ZNF385B: variants seen among roughly 807,000 people sequenced by gnomAD.
ZNF385B encodes the protein zinc finger protein 533.
ZNF385B carries 23 observed loss-of-function variants against 39.2 expected under a neutral mutation model. That is an observed-to-expected ratio of 0.59 (90% confidence interval 0.42 to 0.83). The LOEUF is 0.83. Among genes scored for constraint, ZNF385B ranks in the 40% least tolerant of loss-of-function variants. The pLI, the probability that ZNF385B is intolerant of heterozygous loss-of-function variation, is 0.00. For synonymous variants in ZNF385B, 205 were observed against 222.6 expected (o/e 0.92, Z 0.70); for missense variants, 552 against 598.9 (o/e 0.92, Z 0.82).
At chr2:179,474,892 C>T (rs1161302755) in intron 6 of ZNF385B, among the ~76,000 whole-genome samples, 1 of 152,188 alleles carries the variant, frequency 6.6e-6, no homozygotes, top group African/African-American at 2.4e-5. Context: ...ACCTCTTTTA[C>T]AATCATTTCA....
intron 3 of ZNF385B, among the ~76,000 whole-genome samples, chr2:179,737,063 C>G (rs1032741401): frequency 3.3e-5 from 5 of 152,180 alleles, no homozygotes; most frequent in Admixed American, 2.0e-4. Context: ...AACCTCATCA[C>G]ATTGTTTATT....
chr2:179,632,479 A>T (rs919418842), intron 3 of ZNF385B, among the ~76,000 whole-genome samples: 7 of 152,226 alleles, frequency 4.6e-5, no homozygotes, highest in Admixed American at 2.6e-4. Flanking sequence ...TGAAGGCAGA[A>T]ATAAAGATGT....
chr2:179,467,970 C>T (rs1015991554), intron 6 of ZNF385B, among the ~76,000 whole-genome samples: 1 of 152,208 alleles, frequency 6.6e-6, no homozygotes, highest in Non-Finnish European at 1.5e-5. Flanking sequence ...TGTCACTGCT[C>T]TTTCCATTTG....
chr2:179,718,829 TAA>T (rs57140629), intron 3 of ZNF385B, among the ~76,000 whole-genome samples: 17 of 144,820 alleles, frequency 1.2e-4, no homozygotes, highest in African/African-American at 3.0e-4. Context: ...CTGTATCTAT[TAA>T]AAAAAAAAAA....
chr2:179,758,573 C>G (rs1408279938), intron 3 of ZNF385B, among the ~76,000 whole-genome samples: 2 of 152,210 alleles, frequency 1.3e-5, no homozygotes, highest in South Asian at 4.1e-4. Context: ...TAGAGAGACA[C>G]AAACATTCAA....
chr2:179,615,809 A>G (rs994559890), intron 3 of ZNF385B, among the ~76,000 whole-genome samples: 3 of 152,202 alleles, frequency 2.0e-5, no homozygotes, highest in Non-Finnish European at 2.9e-5. Context: ...GGCACCTTAG[A>G]TGGTTCTGAG....
intron 3 of ZNF385B, among the ~76,000 whole-genome samples, chr2:179,571,216 A>G (rs943964373): frequency 6.6e-6 from 1 of 152,188 alleles, no homozygotes; most frequent in African/African-American, 2.4e-5. Context: ...CTCTGCTCCA[A>G]ACATCTTTTT....
intron 1 of ZNF385B, among the ~76,000 whole-genome samples, chr2:179,816,414 T>A (rs1003110385): frequency 1.3e-5 from 2 of 152,206 alleles, no homozygotes; most frequent in East Asian, 3.8e-4. Context: ...CCCATTGTAA[T>A]GGGAGTGATT....
At chr2:179,711,238 C>T (rs747242051) in intron 3 of ZNF385B, among the ~76,000 whole-genome samples, 1 of 152,216 alleles carries the variant, frequency 6.6e-6, no homozygotes, top group Non-Finnish European at 1.5e-5. Flanking sequence ...TATACATATT[C>T]CTGCTATAGA....
At position 179,511,128 on chromosome 2, in the gene ZNF385B, T is replaced by C. The variant is rs183251694; in HGVS notation, c.552+7400A>G. Among the ~76,000 whole-genome samples, 695 of 152,280 alleles carry C rather than the reference T, an allele frequency of 4.6e-3. 4 individuals carry two copies. The highest frequency in any genetic ancestry group is 8.1e-3 in the Non-Finnish European group (550 of 68,024). Reference sequence around the variant, plus strand: ...ATAGCTGCTGCAGGGACTTGCTGCCTCATGGCAGCTGGTGGAGAGAGGTGG... The same window carrying C: ...ATAGCTGCTGCAGGGACTTGCTGCCCCATGGCAGCTGGTGGAGAGAGGTGG... On this transcript the variant is annotated intron_variant, in intron 5 of 9. Transcript: ENST00000410066.
intron 3 of ZNF385B, among the ~76,000 whole-genome samples, chr2:179,635,086 G>A (rs1691620641): frequency 6.6e-6 from 1 of 151,238 alleles, no homozygotes; most frequent in South Asian, 2.1e-4. Flanking sequence ...AGCTTGCAGT[G>A]AGCTGAGATT....
At position 179,446,656 on chromosome 2, in the gene ZNF385B, G is replaced by A; in HGVS notation, c.830C>T (p.Pro277Leu). Residue 277 changes from proline (P) to leucine (L), a missense_variant, in exon 7 of 10, where the codon CCC becomes CTC. Pro to Leu is a moderately conservative substitution (Grantham distance 98). Transcript: ENST00000410066. ...GGGAGCTCCATTTGTGCTCTTGGAG[G>A]GAGAAGTGGCTGCTCCAGGTGGCAG... The part of the protein sequence containing the change: ...TPLPPGAATS[P>L]SKSTNGAPGT... 1 of 1,614,028 alleles carries A rather than the reference G, an allele frequency of 6.2e-7. No individual in the cohort carries two copies. Among genetic ancestry groups the A allele is most frequent in the Non-Finnish European group, 8.5e-7 (1 of 1,179,988 alleles).
Position 179,694,577 on chromosome 2 carries a change from C to G in ZNF385B, c.298+74926G>C, listed in dbSNP as rs182386536. The stretch of plus-strand genomic sequence containing the variant: ...AACAGCAAAAATTGAATACAATATT[C>G]TAGGAATAAAAAAGGGATTGGACTT... On this transcript the variant is annotated intron_variant, in intron 3 of 9. Transcript: ENST00000410066. Among the ~76,000 whole-genome samples, 283 of 152,144 alleles carry G rather than the reference C, an allele frequency of 1.9e-3. 1 individual carries two copies. Among genetic ancestry groups the G allele is most frequent in the African/African-American group, 6.5e-3 (269 of 41,496 alleles).
At position 179,701,243 on chromosome 2, in the gene ZNF385B, T is replaced by C. The variant is rs550620634; in HGVS notation, c.298+68260A>G. On this transcript the variant is annotated intron_variant, in intron 3 of 9. Coordinates refer to ENST00000410066, the MANE Select transcript of ZNF385B (RefSeq NM_152520.6). ...GGCAAGAATATCACCCAGTGATGAATATAAAACAATCCACTAAAAATAGCC... is the reference window on the plus strand; with the variant it reads ...GGCAAGAATATCACCCAGTGATGAACATAAAACAATCCACTAAAAATAGCC... Among the ~76,000 whole-genome samples the C allele has an allele frequency of 2.6e-3, 394 of 152,314 alleles. 2 individuals carry two copies. The highest frequency in any genetic ancestry group is 4.8e-3 in the South Asian group (23 of 4,834).
intron 3 of ZNF385B, among the ~76,000 whole-genome samples, chr2:179,593,433 C>T (rs1687738214): frequency 1.3e-5 from 2 of 152,032 alleles, no homozygotes. Context: ...AATACAATTT[C>T]AAATAAGAAT....
chr2:179,520,806 A>T (rs775172412), intron 4 of ZNF385B, among the ~76,000 whole-genome samples: 17 of 152,206 alleles, frequency 1.1e-4, no homozygotes, highest in Non-Finnish European at 1.6e-4. Context: ...GGTTTTATGC[A>T]TGCTATTTTC....
intron 3 of ZNF385B, among the ~76,000 whole-genome samples, chr2:179,716,146 A>AT (rs1053610130): frequency 2.0e-5 from 3 of 151,882 alleles, no homozygotes; most frequent in African/African-American, 4.8e-5. Context: ...ATCAGTCACT[A>AT]TTTTTTTTAT....
At chr2:179,696,326 C>CTTTTTTTTGTTTTTTTTTTTTTTTT (rs1698746889) in intron 3 of ZNF385B, among the ~76,000 whole-genome samples, 2 of 40,354 alleles carry the variant, frequency 5.0e-5, no homozygotes, top group South Asian at 1.4e-3. Flanking sequence ...CAAACTGGGA[C>CTTTTTTTTGTTTTTTTTTTTTTTTT]TTTTTTTTTT....
At chr2:179,855,802 C>T (rs2105451618) in intron 1 of ZNF385B, among the ~76,000 whole-genome samples, 1 of 152,118 alleles carries the variant, frequency 6.6e-6, no homozygotes, top group Admixed American at 6.5e-5. Context: ...CTTGAACAAC[C>T]ACAGTGTGCA....
Sources: allele counts gnomAD v4.1 joint callset (sites outside exome capture counted in the v4.1 genomes callset), GRCh38; gene constraint gnomAD v4.1.1; transcripts MANE v1.5; gene names NCBI Gene and HGNC (gene_info 2026-07-23, HGNC 2026-07-21).